The following PCDH9 variants were observed in gnomAD, a reference collection of about 807,000 sequenced individuals.
The protein encoded by PCDH9 is protocadherin 9, also known as protocadherin-9.
A neutral mutation model predicts 70.6 loss-of-function variants in PCDH9; 24 were observed. That is an observed-to-expected ratio of 0.34 (90% CI 0.25 to 0.48). The LOEUF is 0.48. Ranked by LOEUF, PCDH9 falls within the 20% of genes least tolerant of loss-of-function variation. PCDH9 has a pLI of 0.99. For synonymous variants in PCDH9, 562 were observed against 558.5 expected, an observed-to-expected ratio of 1.01 and a Z score of -0.09; for missense variants, 1,281 against 1,503.6, an observed-to-expected ratio of 0.85 and a Z score of 2.45.
intron 3 of PCDH9, among the ~76,000 whole-genome samples, chr13:66,791,010 A>C (rs1042307786): frequency 6.6e-6 from 1 of 152,140 alleles, no homozygotes; most frequent in African/African-American, 2.4e-5. Flanking sequence ...ATTTACCATT[A>C]CTATGCAAAT....
chr13:66,343,409 A>T (rs1305373508), intron 4 of PCDH9, among the ~76,000 whole-genome samples: 4 of 152,120 alleles, frequency 2.6e-5, no homozygotes, highest in African/African-American at 4.8e-5. Flanking sequence ...GCATATTCAA[A>T]CTGTCGTCCG....
chr13:66,747,166 A>G (rs539200593), intron 3 of PCDH9, among the ~76,000 whole-genome samples: 52 of 152,312 alleles, frequency 3.4e-4, no homozygotes, highest in African/African-American at 1.2e-3. Context: ...TCTGGCCAAC[A>G]TAGTGAAACC....
At chr13:66,662,136 C>T (rs1021654652) in intron 3 of PCDH9, among the ~76,000 whole-genome samples, 2 of 151,926 alleles carry the variant, frequency 1.3e-5, no homozygotes, top group African/African-American at 4.8e-5. Flanking sequence ...TAGCTAGCAA[C>T]ATCAAAACAA....
intron 2 of PCDH9, among the ~76,000 whole-genome samples, chr13:67,196,096 G>A (rs1246211443): frequency 1.3e-5 from 2 of 152,080 alleles, no homozygotes; most frequent in African/African-American, 4.8e-5. Flanking sequence ...CAAACTCTAT[G>A]GATACATCAC....
At chr13:67,091,498 T>C (rs1416582738) in intron 2 of PCDH9, among the ~76,000 whole-genome samples, 1 of 152,100 alleles carries the variant, frequency 6.6e-6, no homozygotes, top group Non-Finnish European at 1.5e-5. Context: ...TCTCTTACTG[T>C]TACATGTAGA....
At chr13:66,878,177 G>A (rs947658122) in intron 3 of PCDH9, among the ~76,000 whole-genome samples, 4 of 151,938 alleles carry the variant, frequency 2.6e-5, no homozygotes, top group African/African-American at 7.2e-5. Flanking sequence ...GAGGTTAAAT[G>A]TAAGGGCCGT....
chr13:66,871,115 A>T (rs1451318137), intron 3 of PCDH9, among the ~76,000 whole-genome samples: 1 of 151,972 alleles, frequency 6.6e-6, no homozygotes, highest in Admixed American at 6.6e-5. Flanking sequence ...GGAAATCATC[A>T]TTCTCAGTAA....
At chr13:67,140,880 A>G (rs541654866) in intron 2 of PCDH9, among the ~76,000 whole-genome samples, 1 of 152,316 alleles carries the variant, frequency 6.6e-6, no homozygotes, top group East Asian at 1.9e-4. Flanking sequence ...GTGTGTCTGC[A>G]CAGTACTTCA....
At chr13:67,067,094 T>A (rs1362360524) in intron 2 of PCDH9, among the ~76,000 whole-genome samples, 1 of 152,156 alleles carries the variant, frequency 6.6e-6, no homozygotes, top group Non-Finnish European at 1.5e-5. Context: ...TTTCCTCTTC[T>A]CTTTTAAACC....
At chr13:67,182,694 C>A (rs1399676119) in intron 2 of PCDH9, among the ~76,000 whole-genome samples, 2 of 152,048 alleles carry the variant, frequency 1.3e-5, no homozygotes, top group Non-Finnish European at 2.9e-5. Context: ...TAAATTGTTA[C>A]CACCCAGACT....
chr13:66,835,407 G>C (rs772755864), intron 3 of PCDH9, among the ~76,000 whole-genome samples: 7 of 152,272 alleles, frequency 4.6e-5, no homozygotes, highest in African/African-American at 1.7e-4. Context: ...CCCAGGAAGG[G>C]AATATAAAAT....
At chr13:66,377,153 C>T (rs1956763332) in intron 4 of PCDH9, among the ~76,000 whole-genome samples, 1 of 152,094 alleles carries the variant, frequency 6.6e-6, no homozygotes, top group African/African-American at 2.4e-5. Flanking sequence ...GTTAGTTTTG[C>T]ATGCACATGG....
chr13:66,448,721 G>C (rs1053947997), intron 4 of PCDH9, among the ~76,000 whole-genome samples: 2 of 152,180 alleles, frequency 1.3e-5, no homozygotes, highest in African/African-American at 4.8e-5. Context: ...CTTGGATATG[G>C]AGGTGGGAGG....
At position 66,306,579 on chromosome 13, in the gene PCDH9, A is replaced by G. The variant is rs189553123; in HGVS notation, c.3341-1551T>C. Reference sequence around the variant, plus strand: ...AAACAGAACAGATACTAGATGTGAAAAAAGGGGCTGAAATGCACTATTTCA... The same window carrying G: ...AAACAGAACAGATACTAGATGTGAAGAAAGGGGCTGAAATGCACTATTTCA... On this transcript the variant is annotated intron_variant, in intron 4 of 4. Coordinates refer to ENST00000377865, the MANE Select transcript of PCDH9 (RefSeq NM_203487.3). Among the ~76,000 whole-genome samples, 70 of 151,674 alleles carry G rather than the reference A, an allele frequency of 4.6e-4. 1 individual carries two copies. Among genetic ancestry groups the G allele is most frequent in the African/African-American group, 1.7e-3 (69 of 41,402 alleles).
chr13:66,839,461 C>T (rs972347808), intron 3 of PCDH9, among the ~76,000 whole-genome samples: 4 of 152,156 alleles, frequency 2.6e-5, no homozygotes, highest in Non-Finnish European at 4.4e-5. Flanking sequence ...TCATACTTCA[C>T]GGAGTGTGGC....
chr13:66,750,049 G>A (rs2079433024), intron 3 of PCDH9, among the ~76,000 whole-genome samples: 1 of 152,126 alleles, frequency 6.6e-6, no homozygotes, highest in Non-Finnish European at 1.5e-5. Context: ...TAGGTATAGT[G>A]AGAAAGGTTT....
intron 3 of PCDH9, among the ~76,000 whole-genome samples, chr13:66,783,213 C>A (rs561324888): frequency 6.6e-6 from 1 of 152,056 alleles, no homozygotes; most frequent in East Asian, 1.9e-4. Context: ...AGACTCTGCA[C>A]GTGAATTTCT....
intron 4 of PCDH9, among the ~76,000 whole-genome samples, chr13:66,421,842 C>T (rs1483703796): frequency 6.6e-6 from 1 of 152,114 alleles, no homozygotes; most frequent in Non-Finnish European, 1.5e-5. Context: ...CTAAATGCCC[C>T]AATTAAAAGG....
At chr13:66,995,392 C>T (rs1228867160) in intron 2 of PCDH9, among the ~76,000 whole-genome samples, 1 of 152,072 alleles carries the variant, frequency 6.6e-6, no homozygotes, top group African/African-American at 2.4e-5. Flanking sequence ...AAGGGCAGCA[C>T]GGTCCCCAAA....
Sources: gnomAD v4.1 joint callset for allele counts (sites outside exome capture counted in the v4.1 genomes callset) on GRCh38, gnomAD v4.1.1 for gene constraint, MANE v1.5 for transcripts, NCBI Gene and HGNC (gene_info 2026-07-23, HGNC 2026-07-21) for gene names.